ADAM15: variants seen among roughly 807,000 people sequenced by gnomAD.
ADAM15 encodes disintegrin and metalloproteinase domain-containing protein 15.
In ADAM15, 77 loss-of-function variants were observed where a neutral mutation model predicts 113.8. That is an observed-to-expected ratio of 0.68 (90% confidence interval 0.56 to 0.82). The LOEUF (loss-of-function observed/expected upper bound fraction) is 0.82, where lower values mean the gene tolerates loss of function less well. ADAM15 is among the 40% of genes least tolerant of loss of function. ADAM15 has a pLI of 0.00. For missense variants in ADAM15, 963 were observed against 1,120.1 expected (o/e 0.86, Z 2.00); for synonymous variants, 388 against 454.1 (o/e 0.85, Z 1.85).
rs375827126 is a variant in ADAM15, at chr1:155,060,795, G to A, written c.2240G>A (p.Gly747Glu). 6.2e-7 allele frequency: 1 copy of A among 1,613,174 alleles called. No homozygotes were observed. The highest frequency in any genetic ancestry group is 8.5e-7 in the Non-Finnish European group (1 of 1,180,004). The stretch of plus-strand genomic sequence containing the variant: ...CAATCTGGTCCCTCTGAACGGCCAG[G>A]ACCTCCGCAGAGGGCCCTGCTGGCA... ...AAQSGPSERP[G>E]PPQRALLARG... The change falls in exon 19 of 23, where the codon GGA becomes GAA. Residue 747 changes from glycine (G) to glutamate (E), a missense_variant. Gly to Glu is a moderately conservative substitution (Grantham distance 98). Coordinates refer to ENST00000356955, the MANE Select transcript of ADAM15 (RefSeq NM_207197.3).
rs1333183191 is a variant in ADAM15, at chr1:155,056,714, G to A, written c.1000-239G>A. On this transcript the variant is annotated intron_variant, in intron 10 of 22. Coordinates refer to ENST00000356955, the MANE Select transcript of ADAM15 (RefSeq NM_207197.3). The surrounding 1 kb of genome is among the most constrained non-coding windows in gnomAD (Gnocchi z 4.0). Reference sequence around the variant, plus strand: ...TAGAGGAGGGTAGGAGGCAGCTAAGGCCCAAAGAACAGAGGTGATCTCCCT... The same window carrying A: ...TAGAGGAGGGTAGGAGGCAGCTAAGACCCAAAGAACAGAGGTGATCTCCCT... 2.6e-5 allele frequency among the ~76,000 whole-genome samples: 4 copies of A among 152,134 alleles called. No homozygotes were observed. Among genetic ancestry groups the A allele is most frequent in the African/African-American group, 4.8e-5 (2 of 41,412 alleles).
chr1:155,056,493 C>A lies in ADAM15; in HGVS notation c.999+23C>A, dbSNP rs758780307. 22 of 1,606,064 alleles carry A rather than the reference C, an allele frequency of 1.4e-5. No homozygotes were observed. The South Asian group carries it at 2.4e-4, about 18-fold the overall frequency. ...ATGGTGAGTTATTTCCAGGTCTCCTCCTCATTCCCAATTCAGTTCCTCCCA... is the reference window on the plus strand; with the variant it reads ...ATGGTGAGTTATTTCCAGGTCTCCTACTCATTCCCAATTCAGTTCCTCCCA... On this transcript the variant is annotated intron_variant, in intron 10 of 22. Coordinates refer to ENST00000356955, the MANE Select transcript of ADAM15 (RefSeq NM_207197.3). The surrounding 1 kb of genome is among the most constrained non-coding windows in gnomAD (Gnocchi z 4.0).
rs761572040 is a variant in ADAM15 at position 155,053,927 on chromosome 1, G to A, written c.281G>A (p.Arg94His). Reference protein sequence around the residue: ...LLQNRELVPGRPTLVWYQPDG... With the variant: ...LLQNRELVPGHPTLVWYQPDG... ...CTCCACAGGGAGTTGGTCCCAGGCC[G>A]CCCAACCCTGGTGTGGTACCAGCCC... Residue 94 changes from arginine (R) to histidine (H), a missense_variant, in exon 4 of 23, where the codon CGC becomes CAC. Coordinates refer to ENST00000356955, the MANE Select transcript of ADAM15 (RefSeq NM_207197.3). 1.1e-5 allele frequency: 18 copies of A among 1,614,070 alleles called. No individual in the cohort carries two copies. The highest frequency in any genetic ancestry group is 1.5e-5 in the Non-Finnish European group (18 of 1,179,986).
At position 155,054,229 on chromosome 1, in the gene ADAM15, A is replaced by G; in HGVS notation, c.419+3A>G. On this transcript the variant is annotated splice_donor_region_variant and intron_variant, in intron 5 of 22. Transcript: ENST00000356955. ...ATCTGCACCTGCTCTGGGCTCAGGT[A>G]TACTGGGCGGATTTAATGACAGTAG... 1 of 1,596,820 alleles carries G rather than the reference A, an allele frequency of 6.3e-7. No individual in the cohort carries two copies. The highest frequency in any genetic ancestry group is 1.1e-5 in the South Asian group (1 of 88,858).
chr1:155,053,328 G>T, intron 2 of ADAM15, 89 bp from the exon 3 acceptor site: 1 of 1,186,052 alleles, frequency 8.4e-7, no homozygotes, highest in Admixed American at 1.7e-5. Flanking sequence ...AATTGCTGGT[G>T]CTCTTCTGTG....
In ADAM15 at chr1:155,053,523, C is replaced by G. The variant is rs1171300546; in HGVS notation, c.263+30C>G. 3.7e-6 allele frequency: 6 copies of G among 1,609,356 alleles called. No individual in the cohort carries two copies. The African/African-American group carries it at 8.0e-5, about 22-fold the overall frequency. ...TAGTGATGGTGGCAATAACAGTGAC[C>G]ACATGGCCAACAACTTGTATAGCAT... is the stretch of plus-strand genomic sequence containing the variant. On this transcript the variant is annotated intron_variant, in intron 3 of 22. Coordinates refer to ENST00000356955, the MANE Select transcript of ADAM15 (RefSeq NM_207197.3).
rs915876250 is a variant in ADAM15 at position 155,062,667 on chromosome 1, G to T, written c.*165G>T. On this transcript the variant is annotated 3_prime_UTR_variant, in exon 23 of 23. Coordinates refer to ENST00000356955, the MANE Select transcript of ADAM15 (RefSeq NM_207197.3). This position sits in a 1 kb window ranked among gnomAD's most constrained non-coding sequence, Gnocchi z 7.0. ...AGCAACACTCTGCGGACCTGCCGGC[G>T]TAGTTGCAGCGGGGGCTTGGGGAGG... The T allele has an allele frequency of 2.0e-6, 2 of 1,000,626 alleles. No homozygotes were observed. Among genetic ancestry groups the T allele is most frequent in the Admixed American group, 2.6e-5 (1 of 37,848 alleles). The allele number at this position is 1,000,626 out of a possible 1,614,324, so 62.0% of individuals were successfully genotyped here.
In ADAM15 at chr1:155,051,378, G is replaced by C; in HGVS notation, c.-9G>C. ...TTGCTGCCCTCGCCCGGCCCGGAGCGCCGCTGCCATGCGGCTGGCGCTGCT... is the reference window on the plus strand; with the variant it reads ...TTGCTGCCCTCGCCCGGCCCGGAGCCCCGCTGCCATGCGGCTGGCGCTGCT... On this transcript the variant is annotated 5_prime_UTR_variant, in exon 1 of 23. Coordinates refer to ENST00000356955, the MANE Select transcript of ADAM15 (RefSeq NM_207197.3). 1.3e-6 allele frequency: 2 copies of C among 1,501,914 alleles called. No homozygotes were observed. The highest frequency in any genetic ancestry group is 1.8e-6 in the Non-Finnish European group (2 of 1,129,316). 93.0% of individuals were successfully genotyped at this position (1,501,914 alleles called of 1,614,324 possible).
rs780224383 is a variant in ADAM15 at position 155,059,211 on chromosome 1, T to G, written c.1995+424T>G. On this transcript the variant is annotated intron_variant, in intron 16 of 22. Coordinates refer to ENST00000356955, the MANE Select transcript of ADAM15 (RefSeq NM_207197.3). ...GCCTCCCTACTCGCTGGGATTACAG[T>G]CACCCGCCACCATGCCCAGCTAATT... 3.9e-5 allele frequency among the ~76,000 whole-genome samples: 6 copies of G among 152,092 alleles called. No individual in the cohort carries two copies. In the South Asian group the frequency reaches 8.3e-4, roughly 21 times the overall value.
At chr1:155,061,185 G>C in intron 19 of ADAM15, 1 of 582,498 alleles carries the variant, frequency 1.7e-6, no homozygotes, top group East Asian at 2.8e-5. Flanking sequence ...CACCATGTTA[G>C]AAGGGCTGGT....
intron 20 of ADAM15, 85 bp downstream of exon 20, chr1:155,061,574 A>G: frequency 7.1e-7 from 1 of 1,409,622 alleles, no homozygotes; most frequent in Non-Finnish European, 9.8e-7. Flanking sequence ...GCTCCCTGCC[A>G]GTGGTGCTCT....
intron 1 of ADAM15, chr1:155,052,361 G>C: frequency 2.6e-6 from 2 of 768,210 alleles, no homozygotes; most frequent in Non-Finnish European, 4.1e-6. Context: ...GATTGGGAGG[G>C]AGTGGGAACC....
At chr1:155,059,224 T>C (rs545732675) in intron 16 of ADAM15, among the ~76,000 whole-genome samples, 90 of 152,238 alleles carry the variant, frequency 5.9e-4, no homozygotes, top group Middle Eastern at 6.8e-3. Flanking sequence ...CCCGCCACCA[T>C]GCCCAGCTAA....
Position 155,058,764 on chromosome 1 carries a change from C to T in ADAM15, c.1972C>T (p.Arg658Ter), listed in dbSNP as rs755490535. 1.6e-5 allele frequency: 26 copies of T among 1,608,794 alleles called. No homozygotes were observed. Among genetic ancestry groups the T allele is most frequent in the Middle Eastern group, 1.6e-4 (1 of 6,064 alleles). The change falls in exon 16 of 23, where the codon CGA becomes TGA. Residue 658 changes from arginine (R) to a stop codon, truncating the protein, a stop_gained. Coordinates refer to ENST00000356955, the MANE Select transcript of ADAM15 (RefSeq NM_207197.3). LOFTEE classifies it high-confidence loss of function. The surrounding 1 kb of genome is among the most constrained non-coding windows in gnomAD (Gnocchi z 4.3). ...RVDLLGAQECRSKCHGHGVCD... is the reference protein window; with the variant it reads ...RVDLLGAQEC ...GGATCTCCTGGGGGCACAGGAATGT[C>T]GAAGCAAATGCCATGGACATGGGGT...
Position 155,056,109 on chromosome 1 carries a change from A to G in ADAM15, c.774A>G (p.Ala258=). The part of the protein sequence containing the change: ...TFFRPLNVRV[A]LVGLEAWTQR... ...TCCGGCCCCTGAATGTACGAGTGGCACTAGTGGGCCTGGAGGCCTGGACCC... is the reference window on the plus strand; with the variant it reads ...TCCGGCCCCTGAATGTACGAGTGGCGCTAGTGGGCCTGGAGGCCTGGACCC... The change falls in exon 9 of 23, where the codon GCA becomes GCG. Residue 258 remains alanine, a synonymous_variant. Transcript: ENST00000356955. The surrounding 1 kb of genome is among the most constrained non-coding windows in gnomAD (Gnocchi z 4.0). 1 of 1,613,712 alleles carries G rather than the reference A, an allele frequency of 6.2e-7. No individual in the cohort carries two copies. The highest frequency in any genetic ancestry group is 8.5e-7 in the Non-Finnish European group (1 of 1,180,008).
chr1:155,054,517 A>C lies in ADAM15; in HGVS notation c.612+11A>C. On this transcript the variant is annotated intron_variant, in intron 6 of 22. Transcript: ENST00000356955. ...CGCCACATTCGCCGGGTGAGGATGAATGGCAGGGGGGTGGGCTTTGGTTGT... is the reference window on the plus strand; with the variant it reads ...CGCCACATTCGCCGGGTGAGGATGACTGGCAGGGGGGTGGGCTTTGGTTGT... 6.4e-7 allele frequency: 1 copy of C among 1,554,742 alleles called. No individual in the cohort carries two copies. Among genetic ancestry groups the C allele is most frequent in the East Asian group, 2.3e-5 (1 of 43,816 alleles).
Position 155,053,989 on chromosome 1 carries a change from G to A in ADAM15, c.342+1G>A, listed in dbSNP as rs150252946. ...GGTGGTCAGTGAGGGACACACTTTGGTGAGTCAGGCCCTCTTGTGCCATTT... is the reference window on the plus strand; with the variant it reads ...GGTGGTCAGTGAGGGACACACTTTGATGAGTCAGGCCCTCTTGTGCCATTT... On this transcript the variant is annotated splice_donor_variant, in intron 4 of 22. Coordinates refer to ENST00000356955, the MANE Select transcript of ADAM15 (RefSeq NM_207197.3). LOFTEE classifies it high-confidence loss of function. 1.9e-6 allele frequency: 3 copies of A among 1,614,218 alleles called. No homozygotes were observed. Among genetic ancestry groups the A allele is most frequent in the Non-Finnish European group, 2.5e-6 (3 of 1,180,032 alleles).
At chr1:155,061,302 C>T (rs1571636386) in intron 19 of ADAM15, 113 bp from the exon 20 acceptor site, 4 of 714,446 alleles carry the variant, frequency 5.6e-6, no homozygotes, top group African/African-American at 1.8e-5. Context: ...TGCACAGCAC[C>T]CACTGCCCTG....
In ADAM15 at chr1:155,057,383, C is replaced by T. The variant is rs778906075; in HGVS notation, c.1323+21C>T. On this transcript the variant is annotated intron_variant, in intron 12 of 22. Coordinates refer to ENST00000356955, the MANE Select transcript of ADAM15 (RefSeq NM_207197.3). The surrounding 1 kb of genome is among the most constrained non-coding windows in gnomAD (Gnocchi z 5.0). Reference sequence around the variant, plus strand: ...TGGATGTGAGCCCCTTTCCCAAAGCCTCGCCCCACTCACTTCTGTACCCTC... The same window carrying T: ...TGGATGTGAGCCCCTTTCCCAAAGCTTCGCCCCACTCACTTCTGTACCCTC... 2 of 1,613,590 alleles carry T rather than the reference C, an allele frequency of 1.2e-6. No homozygotes were observed. Among genetic ancestry groups the T allele is most frequent in the Admixed American group, 1.7e-5 (1 of 59,994 alleles).
Sources: gnomAD v4.1 joint callset for allele counts (sites outside exome capture counted in the v4.1 genomes callset) on GRCh38, gnomAD v4.1.1 for gene constraint, Gnocchi (gnomAD v3.1) non-coding constraint, MANE v1.5 for transcripts, NCBI Gene and HGNC (gene_info 2026-07-23, HGNC 2026-07-21) for gene names.